PCDHGA3: variants seen among roughly 807,000 people sequenced by gnomAD.
The protein encoded by PCDHGA3 is protocadherin gamma subfamily A, 3.
In PCDHGA3, 40 loss-of-function variants were observed where a neutral mutation model predicts 58.5. The ratio of observed to expected loss-of-function variants is 0.68; its 90% CI spans 0.53 to 0.89. The LOEUF is 0.89. Ranked by LOEUF, PCDHGA3 falls within the 40% of genes least tolerant of loss-of-function variation. The pLI, the probability that PCDHGA3 is intolerant of heterozygous loss-of-function variation, is 0.00. For synonymous variants in PCDHGA3, 530 were observed against 525.7 expected (o/e 1.01, Z -0.11); for missense variants, 1,223 against 1,195.9 (o/e 1.02, Z -0.33).
chr5:141,359,502 A>G (rs780869952), intron 1 of PCDHGA3, among the ~76,000 whole-genome samples: 11 of 151,356 alleles, frequency 7.3e-5, no homozygotes, highest in Middle Eastern at 3.4e-3. Flanking sequence ...GGACTACTAG[A>G]TAACTATATT....
chr5:141,415,747 T>TTTTG, intron 1 of PCDHGA3: 2 of 797,626 alleles, frequency 2.5e-6, no homozygotes, highest in Non-Finnish European at 3.1e-6. Flanking sequence ...AAGGTTTTTT[T>TTTTG]TTTTTTTTTT....
intron 1 of PCDHGA3, among the ~76,000 whole-genome samples, chr5:141,359,386 C>G (rs1405984010): frequency 6.6e-6 from 1 of 151,886 alleles, no homozygotes; most frequent in Non-Finnish European, 1.5e-5. Flanking sequence ...TAATTTATAA[C>G]CTAAAATCAA....
chr5:141,377,925 G>A (rs1473713121), intron 1 of PCDHGA3: 1 of 152,134 alleles, frequency 6.6e-6, no homozygotes, highest in Non-Finnish European at 1.5e-5. Context: ...AAATCCACCT[G>A]TAACTGCTGC....
chr5:141,382,731 A>G (rs1250192091), intron 1 of PCDHGA3: 6 of 554,412 alleles, frequency 1.1e-5, no homozygotes, highest in Non-Finnish European at 1.8e-5. Flanking sequence ...TTTACAGCAC[A>G]GAGAAACGAC....
At position 141,486,813 on chromosome 5, in the gene PCDHGA3, G is replaced by A; in HGVS notation, c.2425-7994G>A. On this transcript the variant is annotated intron_variant, in intron 1 of 3. Transcript: ENST00000253812. The surrounding 1 kb of genome is among the most constrained non-coding windows in gnomAD (Gnocchi z 5.0). ...GATCGGGGCAACCCACCCCTTAGCA[G>A]CACTGTAACAGTTCGTCTATTTGTG... The A allele has an allele frequency of 6.2e-7, 1 of 1,614,212 alleles. No individual in the cohort carries two copies.
intron 1 of PCDHGA3, among the ~76,000 whole-genome samples, chr5:141,484,030 T>G (rs1290301073): frequency 6.6e-6 from 1 of 151,022 alleles, no homozygotes; most frequent in African/African-American, 2.4e-5. Flanking sequence ...TGAGATCAAG[T>G]CTCCAGCTCC....
At chr5:141,361,204 C>T (rs977758534) in intron 1 of PCDHGA3, 9 of 1,613,832 alleles carry the variant, frequency 5.6e-6, no homozygotes, top group Non-Finnish European at 7.6e-6. Flanking sequence ...TACTCCCCTA[C>T]CGGAGGATTC....
chr5:141,344,106 G>A lies in PCDHGA3; in HGVS notation c.73G>A (p.Glu25Lys), dbSNP rs778709344. 3.3e-5 allele frequency: 54 copies of A among 1,613,840 alleles called. No homozygotes were observed. The East Asian group carries it at 1.1e-3, about 33-fold the overall frequency. Residue 25 changes from glutamate to lysine, a missense_variant, in exon 1 of 4, where the codon GAA becomes AAA. Around this residue, in one of 3 missense-constraint regions of PCDHGA3, gnomAD observed 791 missense variants for 708.5 expected, o/e 1.12. Coordinates refer to ENST00000253812, the MANE Select transcript of PCDHGA3 (RefSeq NM_018916.4). ...GTGCGCGCTCCTGGGGACGCTGTGC[G>A]AAACAGGATCCGGTCAGATCCGCTA... ...LLCALLGTLC[E>K]TGSGQIRYSV...
chr5:141,402,850 T>C (rs1447900346), intron 1 of PCDHGA3: 7 of 1,417,624 alleles, frequency 4.9e-6, no homozygotes, highest in Non-Finnish European at 6.5e-6. Context: ...TCAGCCTCTT[T>C]CTTCTAAGGA....
At chr5:141,419,808 G>A in intron 1 of PCDHGA3, 2 of 1,614,066 alleles carry the variant, frequency 1.2e-6, no homozygotes, top group Non-Finnish European at 8.5e-7. Flanking sequence ...AGAGATGGAG[G>A]ACAGCCACCC....
chr5:141,491,136 G>A lies in PCDHGA3; in HGVS notation c.2425-3671G>A, dbSNP rs769904518. On this transcript the variant is annotated intron_variant, in intron 1 of 3. Coordinates refer to ENST00000253812, the MANE Select transcript of PCDHGA3 (RefSeq NM_018916.4). This position sits in a 1 kb window ranked among gnomAD's most constrained non-coding sequence, Gnocchi z 6.9. ...ACACTGGTGAGGTGCGCACAGCCCG[G>A]GCCTTACTGGAGGATGACTCTGACA... The A allele has an allele frequency of 2.4e-5, 38 of 1,614,030 alleles. 1 individual carries two copies. The South Asian group carries it at 4.1e-4, about 17-fold the overall frequency.
intron 1 of PCDHGA3, among the ~76,000 whole-genome samples, chr5:141,381,826 C>CTTTTTTTTTTTTTTTTTTTTT (rs770630741): frequency 2.7e-5 from 2 of 74,284 alleles, no homozygotes; most frequent in Admixed American, 1.9e-4. Flanking sequence ...CTTTCTTCTT[C>CTTTTTTTTTTTTTTTTTTTTT]TTTTTTTTTT....
rs774439162 is a variant in PCDHGA3 at position 141,360,155 on chromosome 5, G to T, written c.2424+13698G>T. 2.5e-6 allele frequency: 4 copies of T among 1,603,962 alleles called. No individual in the cohort carries two copies. In the South Asian group the frequency reaches 4.5e-5, roughly 18 times the overall value. On this transcript the variant is annotated intron_variant, in intron 1 of 3. Transcript: ENST00000253812. The stretch of plus-strand genomic sequence containing the variant: ...CAGAAGATGAAAGCGAGCTCAGGGA[G>T]GTGCGGGCTGGTGCGGTGGCTGCAG...
intron 1 of PCDHGA3, chr5:141,350,478 A>T (rs527554810): frequency 6.2e-7 from 1 of 1,614,010 alleles, no homozygotes; most frequent in Admixed American, 1.7e-5. Flanking sequence ...GATTATTTCA[A>T]CGTTAGTTTG....
At chr5:141,390,107 C>G (rs778685705) in intron 1 of PCDHGA3, 19 of 1,614,066 alleles carry the variant, frequency 1.2e-5, no homozygotes, top group Non-Finnish European at 1.6e-5. Context: ...CCCCCAACTA[C>G]AGCGAGGGGA....
At chr5:141,423,205 A>G in intron 1 of PCDHGA3, 1 of 1,613,612 alleles carries the variant, frequency 6.2e-7, no homozygotes, top group South Asian at 1.1e-5. Flanking sequence ...GGCCACCGTC[A>G]CGCTCACCGT....
At chr5:141,362,873 A>G (rs1482910489) in intron 1 of PCDHGA3, among the ~76,000 whole-genome samples, 3 of 152,176 alleles carry the variant, frequency 2.0e-5, no homozygotes, top group Non-Finnish European at 4.4e-5. Context: ...GCTCTTTGTT[A>G]TTCAAATTTT....
At chr5:141,359,309 G>A (rs936588193) in intron 1 of PCDHGA3, among the ~76,000 whole-genome samples, 1 of 152,076 alleles carries the variant, frequency 6.6e-6, no homozygotes, top group African/African-American at 2.4e-5. Context: ...ATATTCAGGT[G>A]TTGGCATTAG....
At chr5:141,416,215 A>G (rs969061407) in intron 1 of PCDHGA3, 1 of 152,400 alleles carries the variant, frequency 6.6e-6, no homozygotes, top group Non-Finnish European at 1.5e-5. Flanking sequence ...ATAACAATGT[A>G]TGCTTAGATT....
Sources: allele counts gnomAD v4.1 joint callset (sites outside exome capture counted in the v4.1 genomes callset), GRCh38; gene constraint gnomAD v4.1.1; regional missense constraint gnomAD v4.1.1; non-coding constraint Gnocchi (gnomAD v3.1); transcripts MANE v1.5; gene names NCBI Gene and HGNC (gene_info 2026-07-23, HGNC 2026-07-21).